Variants in APC observed in about 807,000 individuals in gnomAD.
The protein encoded by APC is APC regulator of Wnt signaling pathway.
Under a neutral mutation model 247.0 loss-of-function variants are expected in APC, and 72 were observed. That is an observed-to-expected ratio of 0.29 (90% CI 0.24 to 0.35). APC has a LOEUF of 0.35. Ranked by LOEUF, APC falls within the 10% of genes least tolerant of loss-of-function variation. The pLI is 1.00. For missense variants in APC, 3,400 were observed against 3,360.7 expected (o/e 1.01, Z -0.29); for synonymous variants, 1,254 against 1,162.5 (o/e 1.08, Z -1.60).
Position 112,839,935 on chromosome 5 carries a change from A to C in APC, c.4341A>C (p.Gln1447His), listed in dbSNP as rs777153373. The C allele has an allele frequency of 2.5e-6, 4 of 1,614,102 alleles. No individual in the cohort carries two copies. The highest frequency in any genetic ancestry group is 1.7e-5 in the Admixed American group (1 of 60,010). The change falls in exon 16 of 16, where the codon CAA becomes CAC. Residue 1447 changes from glutamine (Q) to histidine (H), a missense_variant. Physicochemically the swap from Gln to His is conservative, Grantham distance 24 (BLOSUM62 0). Around this residue, in one of 9 missense-constraint regions of APC, gnomAD observed 1,788 missense variants for 1,649.5 expected, o/e 1.08. Coordinates refer to ENST00000257430, the MANE Select transcript of APC (RefSeq NM_000038.6). This position sits in a 1 kb window ranked among gnomAD's most constrained non-coding sequence, Gnocchi z 5.0. ...KTPPPPPQTA[Q>H]TKREVPKNKA... ...CTCCACCACCTCCTCAAACAGCTCAAACCAAGCGAGAAGTACCTAAAAATA... is the reference window on the plus strand; with the variant it reads ...CTCCACCACCTCCTCAAACAGCTCACACCAAGCGAGAAGTACCTAAAAATA...
chr5:112,788,968 GTCT>G (rs1185412952), intron 6 of APC, among the ~76,000 whole-genome samples: 1 of 152,084 alleles, frequency 6.6e-6, no homozygotes, highest in Non-Finnish European at 1.5e-5. Flanking sequence ...AATGATAGTG[GTCT>G]TCTTTTTCTT....
rs1580676346 is a variant in APC, at chr5:112,842,516, A to G, written c.6922A>G (p.Thr2308Ala). ...APSRSGSRDS[T>A]PSRPAQQPLS... ...TTCTAGATCAGGATCTAGAGATTCG[A>G]CCCCTTCAAGACCTGCCCAGCAACC... Residue 2308 changes from threonine (T) to alanine (A), a missense_variant, in exon 16 of 16, where the codon ACC (threonine) becomes GCC (alanine). By Grantham distance (58) the Thr-to-Ala change is moderately conservative. This residue lies in a region of APC where 1,788 missense variants were observed against 1,649.5 expected (regional missense o/e 1.08). Transcript: ENST00000257430. The G allele has an allele frequency of 1.2e-6, 2 of 1,613,864 alleles. No individual in the cohort carries two copies. Among genetic ancestry groups the G allele is most frequent in the Non-Finnish European group, 1.7e-6 (2 of 1,179,930 alleles).
At chr5:112,835,214 C>A in intron 15 of APC, 49 bp downstream of exon 15, 1 of 1,462,760 alleles carries the variant, frequency 6.8e-7, no homozygotes, top group Non-Finnish European at 9.4e-7. Context: ...TTCATACTCT[C>A]AAAAAGACCT....
intron 6 of APC, among the ~76,000 whole-genome samples, chr5:112,782,667 T>A (rs1412970972): frequency 6.6e-6 from 1 of 152,170 alleles, no homozygotes; most frequent in Non-Finnish European, 1.5e-5. Flanking sequence ...AAGTAAAACT[T>A]TAAACCTTTC....
chr5:112,765,300 GAC>G (rs1218601150), intron 2 of APC, among the ~76,000 whole-genome samples: 1 of 151,988 alleles, frequency 6.6e-6, no homozygotes, highest in Non-Finnish European at 1.5e-5. Context: ...ATTTTGTAGG[GAC>G]AGAGTCTCGC....
chr5:112,837,409 T>C (rs75266200), intron 15 of APC, 144 bp from the exon 16 acceptor site: 1 of 619,214 alleles, frequency 1.6e-6, no homozygotes, highest in African/African-American at 1.9e-5. Context: ...TACATGAAAT[T>C]AGAACAAAAG....
rs529549804 is a variant in APC at position 112,755,479 on chromosome 5, G to A, written c.135+454G>A. On this transcript the variant is annotated intron_variant, in intron 2 of 15. Transcript: ENST00000257430. ...ACCCTACTGGGAAGAGCCATGAACTGAAAGTCAGTACCTGGTTCTATCCCT... is the reference window on the plus strand; with the variant it reads ...ACCCTACTGGGAAGAGCCATGAACTAAAAGTCAGTACCTGGTTCTATCCCT... Among the ~76,000 whole-genome samples the A allele has an allele frequency of 2.0e-5, 3 of 152,306 alleles. No individual in the cohort carries two copies. The East Asian group carries it at 5.8e-4, about 29-fold the overall frequency.
intron 9 of APC, among the ~76,000 whole-genome samples, chr5:112,818,387 G>C (rs1159672439): frequency 1.3e-5 from 2 of 152,138 alleles, no homozygotes; most frequent in African/African-American, 2.4e-5. Flanking sequence ...CTCTCACTCT[G>C]TATGATCATG....
At chr5:112,834,887 A>G in intron 14 of APC, 64 bp from the exon 15 acceptor site, 5 of 1,379,072 alleles carry the variant, frequency 3.6e-6, no homozygotes, top group Non-Finnish European at 5.2e-6. Context: ...TATCAGTAAC[A>G]TAGAAGTTAA....
intron 8 of APC, among the ~76,000 whole-genome samples, chr5:112,807,687 CTTTT>C (rs1327761272): frequency 1.3e-5 from 2 of 151,750 alleles, no homozygotes; most frequent in African/African-American, 4.8e-5. Flanking sequence ...GTTTTTAAAA[CTTTT>C]TCTTATGGAA....
At position 112,718,573 on chromosome 5, in the gene APC, C is replaced by T. The variant is rs184954640; in HGVS notation, c.165+10691C>T. ...GCAATGCAGGCAACAAACAACCAAG[C>T]TCAGCCTCTTAAATGCTTCTTTGTT... On this transcript the variant is annotated intron_variant, in intron 1 of 13. Transcript: ENST00000507379. Among the ~76,000 whole-genome samples, 58 of 152,366 alleles carry T rather than the reference C, an allele frequency of 3.8e-4. No homozygotes were observed. The East Asian group carries it at 0.011, about 28-fold the overall frequency.
rs773857973 is a variant in APC, at chr5:112,843,384, G to A, written c.7790G>A (p.Gly2597Glu). The change falls in exon 16 of 16, where the codon GGA (glycine) becomes GAA (glutamate). Residue 2597 changes from glycine to glutamate, a missense_variant. Physicochemically the swap from Gly to Glu is moderately conservative, Grantham distance 98 (BLOSUM62 -2). This residue lies in a region of APC where 1,788 missense variants were observed against 1,649.5 expected (regional missense o/e 1.08). Transcript: ENST00000257430. The surrounding 1 kb of genome is among the most constrained non-coding windows in gnomAD (Gnocchi z 4.8). Reference sequence around the variant, plus strand: ...GAAAAACATGTGAACTCTATTTCAGGAACCAAACAAAGTAAAGAAAACCAA... The same window carrying A: ...GAAAAACATGTGAACTCTATTTCAGAAACCAAACAAAGTAAAGAAAACCAA... ...EDEKHVNSIS[G>E]TKQSKENQVS... The A allele has an allele frequency of 6.2e-7, 1 of 1,613,532 alleles. No individual in the cohort carries two copies. The highest frequency in any genetic ancestry group is 1.7e-5 in the Admixed American group (1 of 59,970).
At chr5:112,755,836 G>A (rs1754913391) in intron 2 of APC, among the ~76,000 whole-genome samples, 1 of 152,072 alleles carries the variant, frequency 6.6e-6, no homozygotes. Context: ...TCCACCGGGT[G>A]TGATGGCTCA....
intron 1 of APC, among the ~76,000 whole-genome samples, chr5:112,732,210 A>T (rs199951219): frequency 6.6e-6 from 1 of 152,190 alleles, no homozygotes; most frequent in East Asian, 1.9e-4. Flanking sequence ...TAACACTCCA[A>T]ATTAAAAGGC....
chr5:112,735,711 A>T (rs180787309), upstream of APC, among the ~76,000 whole-genome samples: 5 of 152,254 alleles, frequency 3.3e-5, no homozygotes, highest in Non-Finnish European at 5.9e-5. Context: ...AAAAATTCAA[A>T]TTAAACTTTT....
chr5:112,842,526 G>C lies in APC; in HGVS notation c.6932G>C (p.Arg2311Thr), dbSNP rs878853468. 1.9e-6 allele frequency: 3 copies of C among 1,614,074 alleles called. No homozygotes were observed. The highest frequency in any genetic ancestry group is 2.5e-6 in the Non-Finnish European group (3 of 1,179,968). The change falls in exon 16 of 16, where the codon AGA becomes ACA. Residue 2311 changes from arginine (R) to threonine (T), a missense_variant. Physicochemically the swap from Arg to Thr is moderately conservative, Grantham distance 71. Around this residue, in one of 9 missense-constraint regions of APC, gnomAD observed 1,788 missense variants for 1,649.5 expected, o/e 1.08. Coordinates refer to ENST00000257430, the MANE Select transcript of APC (RefSeq NM_000038.6). Reference sequence around the variant, plus strand: ...GGATCTAGAGATTCGACCCCTTCAAGACCTGCCCAGCAACCATTAAGTAGA... The same window carrying C: ...GGATCTAGAGATTCGACCCCTTCAACACCTGCCCAGCAACCATTAAGTAGA... Reference protein sequence around the residue: ...RSGSRDSTPSRPAQQPLSRPI... With the variant: ...RSGSRDSTPSTPAQQPLSRPI...
At chr5:112,738,048 G>A (rs1249383078) in intron 1 of APC, 123 bp downstream of exon 1, 1 of 625,376 alleles carries the variant, frequency 1.6e-6, no homozygotes, top group Non-Finnish European at 2.0e-6. Flanking sequence ...CATGCCAAAC[G>A]AGGAGGCAGG....
intron 7 of APC, among the ~76,000 whole-genome samples, chr5:112,800,811 T>TA (rs1432343889): frequency 1.3e-5 from 2 of 152,072 alleles, no homozygotes; most frequent in Non-Finnish European, 2.9e-5. Flanking sequence ...TTATTTCACC[T>TA]AACTTTTATT....
chr5:112,707,607 G>A lies in APC; in HGVS notation c.-111G>A, dbSNP rs1750587691. ...GCTCGGGGGGGACCTGCGGGCTCAG[G>A]CCCGGGAGCTGCGGACCGAGGTTGG... On this transcript the variant is annotated 5_prime_UTR_variant, in exon 1 of 14. Transcript: ENST00000507379. 2.5e-6 allele frequency: 3 copies of A among 1,200,630 alleles called. No homozygotes were observed. Among genetic ancestry groups the A allele is most frequent in the Non-Finnish European group, 3.4e-6 (3 of 893,970 alleles). 74.4% of individuals were successfully genotyped at this position (1,200,630 alleles called of 1,614,324 possible). A position where few individuals can be genotyped will look rare whatever the true frequency, so the allele number is the denominator to read the frequency against.
Sources: gnomAD v4.1 joint callset for allele counts (sites outside exome capture counted in the v4.1 genomes callset) on GRCh38, gnomAD v4.1.1 for gene constraint, gnomAD v4.1.1 regional missense constraint, Gnocchi (gnomAD v3.1) non-coding constraint, MANE v1.5 for transcripts, NCBI Gene and HGNC (gene_info 2026-07-23, HGNC 2026-07-21) for gene names.